Variants in NHS observed in about 807,000 individuals in gnomAD.
NHS encodes the protein actin remodeling regulator NHS.
A neutral mutation model predicts 72.5 loss-of-function variants in NHS; 5 were observed. The observed-to-expected ratio is 0.07, with a 90% CI of 0.04 to 0.14. NHS has a LOEUF of 0.14. NHS is among the 10% of genes least tolerant of loss of function. NHS has a pLI of 1.00. For synonymous variants in NHS, 464 were observed against 547.7 expected, an observed-to-expected ratio of 0.85 and a Z score of 2.13; for missense variants, 1,072 against 1,355.7, an observed-to-expected ratio of 0.79 and a Z score of 3.29.
intron 1 of NHS, among the ~76,000 whole-genome samples, chrX:17,431,326 T>C (rs2064694110): frequency 8.9e-6 from 1 of 111,875 alleles, no homozygotes; most frequent in Non-Finnish European, 1.9e-5. Flanking sequence ...ACTAGAGTGC[T>C]TGGTGGACTG....
intron 1 of NHS, among the ~76,000 whole-genome samples, chrX:17,440,744 A>C (rs1232581161): frequency 8.9e-6 from 1 of 111,768 alleles, no homozygotes; most frequent in Non-Finnish European, 1.9e-5. Context: ...AACTGGAAGG[A>C]GGTCAGAAAT....
At chrX:17,395,602 C>G (rs1404940561) in intron 1 of NHS, among the ~76,000 whole-genome samples, 1 of 111,599 alleles carries the variant, frequency 9.0e-6, no homozygotes, top group African/African-American at 3.3e-5. Flanking sequence ...AATTCAGGAA[C>G]GAATCAACCC....
At chrX:17,664,359 C>T (rs1373225463) in intron 1 of NHS, among the ~76,000 whole-genome samples, 5 of 111,688 alleles carry the variant, frequency 4.5e-5, no homozygotes, top group Non-Finnish European at 9.4e-5. Flanking sequence ...TCCCTAATTA[C>T]CGGTTGTGTA....
intron 1 of NHS, among the ~76,000 whole-genome samples, chrX:17,686,580 G>A (rs188136327): frequency 1.7e-3 from 192 of 112,240 alleles, no homozygotes; most frequent in African/African-American, 5.8e-3. Context: ...TTTCTGTTCT[G>A]TCCCTTCTCC....
At chrX:17,646,138 C>G (rs935569629) in intron 1 of NHS, among the ~76,000 whole-genome samples, 2 of 111,153 alleles carry the variant, frequency 1.8e-5, no homozygotes. Flanking sequence ...AACAGAGTCT[C>G]ACTATTTTGC....
chrX:17,412,887 C>T (rs980610144), intron 1 of NHS, among the ~76,000 whole-genome samples: 9 of 112,363 alleles, frequency 8.0e-5, no homozygotes, highest in African/African-American at 2.6e-4. Context: ...TGTCATAGCT[C>T]TTTGTCACTG....
intron 1 of NHS, among the ~76,000 whole-genome samples, chrX:17,475,253 C>G (rs1417859668): frequency 8.9e-6 from 1 of 112,598 alleles, no homozygotes; most frequent in African/African-American, 3.2e-5. Context: ...GGTCCCAGAG[C>G]AGACACGCTG....
At chrX:17,537,227 G>A (rs764876519) in intron 1 of NHS, among the ~76,000 whole-genome samples, 4 of 112,130 alleles carry the variant, frequency 3.6e-5, no homozygotes, top group South Asian at 7.4e-4. Flanking sequence ...TTTGGAATCA[G>A]CAAAACTGAC....
At chrX:17,713,902 G>A (rs2066349713) in intron 3 of NHS, among the ~76,000 whole-genome samples, 2 of 112,174 alleles carry the variant, frequency 1.8e-5, no homozygotes, top group South Asian at 7.3e-4. Context: ...CTGGTCATAA[G>A]TATAATTCTG....
intron 1 of NHS, among the ~76,000 whole-genome samples, chrX:17,435,741 C>T (rs756868178): frequency 4.4e-5 from 5 of 112,665 alleles, no homozygotes; most frequent in Admixed American, 1.9e-4. Context: ...GGCTAGTGAG[C>T]GGAGTTACAA....
intron 1 of NHS, among the ~76,000 whole-genome samples, chrX:17,478,632 A>C (rs1185967301): frequency 8.9e-6 from 1 of 111,871 alleles, no homozygotes; most frequent in African/African-American, 3.3e-5. Context: ...ATTTAAGGTG[A>C]GTTTCTACAA....
At chrX:17,395,676 G>C (rs925870670) in intron 1 of NHS, among the ~76,000 whole-genome samples, 1 of 111,616 alleles carries the variant, frequency 9.0e-6, no homozygotes, top group Non-Finnish European at 1.9e-5. Context: ...AAATGATAAT[G>C]GTCAAGTTTG....
chrX:17,593,734 G>A (rs969342933), intron 1 of NHS, among the ~76,000 whole-genome samples: 1 of 111,739 alleles, frequency 8.9e-6, no homozygotes, highest in East Asian at 2.8e-4. Context: ...GCAATGAGCT[G>A]TAAACTTCTT....
chrX:17,606,068 C>A (rs1156689815), intron 1 of NHS, among the ~76,000 whole-genome samples: 1 of 112,111 alleles, frequency 8.9e-6, no homozygotes, highest in African/African-American at 3.2e-5. Flanking sequence ...CCCCTGGAAA[C>A]TTTAGTTGTT....
intron 1 of NHS, among the ~76,000 whole-genome samples, chrX:17,672,716 C>T (rs2066055302): frequency 8.9e-6 from 1 of 112,656 alleles, no homozygotes; most frequent in South Asian, 3.7e-4. Context: ...CTCTCTTTCA[C>T]ATCTCCCTGT....
chrX:17,380,921 G>A (rs945138402), intron 1 of NHS, among the ~76,000 whole-genome samples: 3 of 111,081 alleles, frequency 2.7e-5, no homozygotes, highest in Non-Finnish European at 5.7e-5. Context: ...GGAGGCAGGT[G>A]GGCTGGTGAA....
At position 17,724,319 on chromosome X, in the gene NHS, G is replaced by A. The variant is rs141982578; in HGVS notation, c.1129G>A (p.Ala377Thr). The part of the protein sequence containing the change: ...NVTGVGFDRE[A>T]SIRCSLVHSQ... ...TGCAGGAGTTGGCTTTGACAGAGAG[G>A]CTAGTATACGCTGCTCTCTGGTTCA... is the stretch of plus-strand genomic sequence containing the variant. Residue 377 changes from alanine (A) to threonine (T), a missense_variant, in exon 6 of 9, where the codon GCT becomes ACT. Transcript: ENST00000676302. The A allele has an allele frequency of 8.3e-7, 1 of 1,211,509 alleles. No individual in the cohort carries two copies. Among genetic ancestry groups the A allele is most frequent in the African/African-American group, 1.7e-5 (1 of 57,764 alleles).
At chrX:17,453,811 T>G (rs2064815608) in intron 1 of NHS, among the ~76,000 whole-genome samples, 1 of 112,084 alleles carries the variant, frequency 8.9e-6, no homozygotes, top group South Asian at 3.7e-4. Flanking sequence ...TAGGAGTTCC[T>G]ACTGATATGT....
At chrX:17,393,767 G>C (rs1383682178) in intron 1 of NHS, among the ~76,000 whole-genome samples, 1 of 111,660 alleles carries the variant, frequency 9.0e-6, no homozygotes, top group East Asian at 2.8e-4. Context: ...ACAAAGAAGT[G>C]GGGAGGCCCT....
Sources: allele counts gnomAD v4.1 joint callset (sites outside exome capture counted in the v4.1 genomes callset), GRCh38; gene constraint gnomAD v4.1.1; transcripts MANE v1.5; gene names NCBI Gene and HGNC (gene_info 2026-07-23, HGNC 2026-07-21).